The following SHROOM4 variants were observed in gnomAD, a reference collection of about 807,000 sequenced individuals.
The protein encoded by SHROOM4 is protein Shroom4.
In SHROOM4, 17 loss-of-function variants were observed where a neutral mutation model predicts 80.3. The ratio of observed to expected loss-of-function variants is 0.21; its 90% CI spans 0.14 to 0.32. The LOEUF (loss-of-function observed/expected upper bound fraction) is 0.32, where lower values mean the gene tolerates loss of function less well. SHROOM4 is among the 10% of genes least tolerant of loss of function. SHROOM4 has a pLI of 1.00. For missense variants in SHROOM4, 993 were observed against 1,140.3 expected (o/e 0.87, Z 1.86); for synonymous variants, 400 against 437.5 (o/e 0.91, Z 1.07).
At chrX:50,759,080 G>A (rs1259771163) in intron 1 of SHROOM4, among the ~76,000 whole-genome samples, 1 of 111,461 alleles carries the variant, frequency 9.0e-6, no homozygotes, top group Non-Finnish European at 1.9e-5. Context: ...GTTATGGGAT[G>A]AACTGTCCAT....
At chrX:50,653,195 C>T (rs1484467772) in intron 2 of SHROOM4, among the ~76,000 whole-genome samples, 2 of 111,699 alleles carry the variant, frequency 1.8e-5, no homozygotes, top group African/African-American at 3.3e-5. Flanking sequence ...TCTTCCTATC[C>T]ATGAGCATGG....
chrX:50,672,486 C>T (rs186370268), intron 2 of SHROOM4, among the ~76,000 whole-genome samples: 9 of 111,428 alleles, frequency 8.1e-5, no homozygotes, highest in Admixed American at 1.9e-4. Flanking sequence ...TTACCCAATA[C>T]GAACAACAGA....
At chrX:50,672,787 G>C (rs191053296) in intron 2 of SHROOM4, among the ~76,000 whole-genome samples, 105 of 111,937 alleles carry the variant, frequency 9.4e-4, no homozygotes, top group South Asian at 7.5e-4. Context: ...TGAAAGCAGA[G>C]AGAAAGAAGT....
chrX:50,763,413 T>C (rs1557269081), intron 1 of SHROOM4, among the ~76,000 whole-genome samples: 2 of 111,656 alleles, frequency 1.8e-5, no homozygotes, highest in Non-Finnish European at 3.8e-5. Context: ...TGCTTTTTTT[T>C]GTACAATGGT....
chrX:50,606,383 C>T (rs1557248559), intron 6 of SHROOM4, among the ~76,000 whole-genome samples: 1 of 110,215 alleles, frequency 9.1e-6, no homozygotes, highest in African/African-American at 3.3e-5. Context: ...TAACAAGGTA[C>T]TTCTAACCGC....
At chrX:50,778,239 A>T (rs1231721370) in intron 1 of SHROOM4, among the ~76,000 whole-genome samples, 11 of 112,611 alleles carry the variant, frequency 9.8e-5, no homozygotes, top group African/African-American at 3.5e-4. Context: ...TTATTCTATG[A>T]CATTCTTCAA....
the SHROOM4 span, among the ~76,000 whole-genome samples, chrX:50,581,222 G>A: frequency 8.9e-6 from 1 of 112,222 alleles, no homozygotes; most frequent in Non-Finnish European, 1.9e-5. Context: ...TTCCCAGATT[G>A]TAATAATAAA....
At chrX:50,771,287 AC>A (rs1182901944) in intron 1 of SHROOM4, among the ~76,000 whole-genome samples, 1 of 111,977 alleles carries the variant, frequency 8.9e-6, no homozygotes. Flanking sequence ...AGCTTGGGAG[AC>A]CTTGTGCTTC....
intron 1 of SHROOM4, among the ~76,000 whole-genome samples, chrX:50,701,355 A>G (rs1557263532): frequency 8.0e-5 from 9 of 111,874 alleles, no homozygotes. Context: ...TGCTGTCTCT[A>G]TAAGTCTGGT....
chrX:50,605,387 C>T (rs1557248322), intron 6 of SHROOM4, among the ~76,000 whole-genome samples: 1 of 112,600 alleles, frequency 8.9e-6, no homozygotes, highest in Non-Finnish European at 1.9e-5. Context: ...AAATCTCCAT[C>T]ACTCAAAGGA....
At position 50,717,281 on chromosome X, in the gene SHROOM4, G is replaced by T. The variant is rs782645940; in HGVS notation, c.118-21344C>A. On this transcript the variant is annotated intron_variant, in intron 1 of 8. Transcript: ENST00000376020. ...TCACCAGGCTGCAGTGCATTGGTGCGATCTCAGCTCACTGCAAGCTCCGCC... is the reference window on the plus strand; with the variant it reads ...TCACCAGGCTGCAGTGCATTGGTGCTATCTCAGCTCACTGCAAGCTCCGCC... Among the ~76,000 whole-genome samples the T allele has an allele frequency of 3.4e-3, 378 of 111,720 alleles. 2 individuals are homozygous for T. Among genetic ancestry groups the T allele is most frequent in the African/African-American group, 0.011 (346 of 30,809 alleles).
chrX:50,794,553 G>C (rs1259205624), intron 1 of SHROOM4, among the ~76,000 whole-genome samples: 1 of 109,313 alleles, frequency 9.1e-6, no homozygotes, highest in African/African-American at 3.3e-5. Flanking sequence ...TCTTAGCACA[G>C]AAGACAAGGA....
In SHROOM4 at chrX:50,587,923, A is replaced by G. The variant is rs990365088; in HGVS notation, c.*8772T>C. Among the ~76,000 whole-genome samples the G allele has an allele frequency of 4.0e-4, 45 of 112,277 alleles. No homozygotes were observed. Among genetic ancestry groups the G allele is most frequent in the African/African-American group, 1.3e-3 (40 of 30,889 alleles). The stretch of plus-strand genomic sequence containing the variant: ...GTATGTTTAGATAGAAAAATAGTGT[A>G]AGCAAAGATAAGTGAAAGTGCTTAA... On this transcript the variant is annotated 3_prime_UTR_variant, in exon 9 of 9. Coordinates refer to ENST00000376020, the MANE Select transcript of SHROOM4 (RefSeq NM_020717.5).
At position 50,634,825 on chromosome X, in the gene SHROOM4, C is replaced by T. The variant is rs1931258685; in HGVS notation, c.1248G>A (p.Leu416=). The T allele has an allele frequency of 8.3e-7, 1 of 1,208,687 alleles. No individual in the cohort carries two copies. The highest frequency in any genetic ancestry group is 1.7e-5 in the African/African-American group (1 of 57,169). Residue 416 remains leucine (L), a synonymous_variant, in exon 4 of 9, where the codon CTG becomes CTA. Transcript: ENST00000376020. ...TGHRHSAPEQ[L]LASHLQHVHL... is the part of the protein sequence containing the mutation. ...GCACATGCTGCAGGTGGGATGCCAGCAGCTGTTCAGGGGCACTATGGCGAT... is the reference window on the plus strand; with the variant it reads ...GCACATGCTGCAGGTGGGATGCCAGTAGCTGTTCAGGGGCACTATGGCGAT...
chrX:50,719,074 T>C (rs1207661199), intron 1 of SHROOM4, among the ~76,000 whole-genome samples: 1 of 112,042 alleles, frequency 8.9e-6, no homozygotes, highest in Non-Finnish European at 1.9e-5. Flanking sequence ...ACCCAAACTA[T>C]ATTTTTGGAT....
At chrX:50,813,612 G>A (rs781972621) in intron 1 of SHROOM4, among the ~76,000 whole-genome samples, 1 of 112,510 alleles carries the variant, frequency 8.9e-6, no homozygotes, top group East Asian at 2.9e-4. Flanking sequence ...ACTGAGGGAA[G>A]TAGCCGCCCC....
chrX:50,660,901 G>T (rs1758690724), intron 2 of SHROOM4, among the ~76,000 whole-genome samples: 1 of 110,118 alleles, frequency 9.1e-6, no homozygotes, highest in African/African-American at 3.3e-5. Flanking sequence ...ACAGGCATGA[G>T]ACACTGTGCC....
intron 5 of SHROOM4, among the ~76,000 whole-genome samples, chrX:50,610,759 T>A (rs1359908220): frequency 5.4e-5 from 6 of 111,891 alleles, no homozygotes; most frequent in African/African-American, 2.0e-4. Flanking sequence ...AAAGGCAAAA[T>A]GCAATAAATA....
chrX:50,665,933 A>G (rs1932675189), intron 2 of SHROOM4, among the ~76,000 whole-genome samples: 1 of 111,629 alleles, frequency 9.0e-6, no homozygotes. Context: ...CCTAAGGATA[A>G]TTTTGTTTAT....
Sources: gnomAD v4.1 joint callset for allele counts (sites outside exome capture counted in the v4.1 genomes callset) on GRCh38, gnomAD v4.1.1 for gene constraint, MANE v1.5 for transcripts, NCBI Gene and HGNC (gene_info 2026-07-23, HGNC 2026-07-21) for gene names.